The following DMD variants were observed in gnomAD, a reference collection of about 807,000 sequenced individuals.
DMD encodes the protein dystrophin.
A neutral mutation model predicts 330.1 loss-of-function variants in DMD; 63 were observed. The observed-to-expected ratio is 0.19, with a 90% CI of 0.16 to 0.24. DMD has a LOEUF of 0.24. Among genes scored for constraint, DMD ranks in the 10% least tolerant of loss-of-function variants. The pLI is 1.00. For missense variants in DMD, 3,344 were observed against 2,684.1 expected (o/e 1.25, Z -5.43); for synonymous variants, 1,223 against 959.8 (o/e 1.27, Z -5.07).
At chrX:32,886,200 A>G (rs1217700489) in intron 2 of DMD, among the ~76,000 whole-genome samples, 1 of 110,543 alleles carries the variant, frequency 9.0e-6, no homozygotes, top group African/African-American at 3.3e-5. Context: ...TCAAAATTTA[A>G]TATCTCAAAA....
At chrX:31,908,083 G>A (rs1226231309) in intron 47 of DMD, among the ~76,000 whole-genome samples, 3 of 112,235 alleles carry the variant, frequency 2.7e-5, no homozygotes, top group Non-Finnish European at 5.6e-5. Flanking sequence ...TGGAGAGGAT[G>A]TGGAGAAACA....
chrX:32,555,456 G>A (rs1158194436), intron 16 of DMD, among the ~76,000 whole-genome samples: 1 of 111,654 alleles, frequency 9.0e-6, no homozygotes, highest in Non-Finnish European at 1.9e-5. Flanking sequence ...TCAGGGAAGA[G>A]AAAGAAATAA....
At chrX:31,418,320 T>C (rs778670978) in intron 60 of DMD, among the ~76,000 whole-genome samples, 84 of 111,097 alleles carry the variant, frequency 7.6e-4, no homozygotes, top group African/African-American at 2.6e-3. Context: ...GGTTCTAATC[T>C]CATTCATGTG....
At chrX:33,314,562 TTTTTTTTG>T (rs1389166752) in intron 1 of DMD, among the ~76,000 whole-genome samples, 5 of 63,141 alleles carry the variant, frequency 7.9e-5, no homozygotes, top group African/African-American at 2.5e-4. Context: ...CCAGCCTGTT[TTTTTTTTG>T]TTTTTTTTTT....
intron 43 of DMD, among the ~76,000 whole-genome samples, chrX:32,229,701 TA>T (rs1368436662): frequency 1.3e-5 from 1 of 78,102 alleles, no homozygotes; most frequent in Non-Finnish European, 2.5e-5. Flanking sequence ...TATATATATA[TA>T]TATATATATA....
In DMD at chrX:32,762,168, GA is replaced by G. The variant is rs368649350; in HGVS notation, c.649+47324del. 6.7e-4 allele frequency among the ~76,000 whole-genome samples: 66 copies of G among 97,871 alleles called. 1 individual carries two copies. Among genetic ancestry groups the G allele is most frequent in the African/African-American group, 1.8e-3 (47 of 26,496 alleles). 85.0% of individuals were successfully genotyped at this position (97,871 alleles called of 115,157 possible). Reference sequence around the variant, plus strand: ...TCTGTCTCAAAAAAAGAAAAAAAAAGAAAAAAAAAATCAAAAAAAACAAAAA... The same window carrying G: ...TCTGTCTCAAAAAAAGAAAAAAAAAGAAAAAAAAATCAAAAAAAACAAAAA... On this transcript the variant is annotated intron_variant, in intron 7 of 78. Coordinates refer to ENST00000357033, the MANE Select transcript of DMD (RefSeq NM_004006.3).
rs185947920 is a variant in DMD, at chrX:33,006,126, T to C, written c.93+14013A>G. Among the ~76,000 whole-genome samples, 454 of 111,917 alleles carry C rather than the reference T, an allele frequency of 4.1e-3. 2 individuals carry two copies. The highest frequency in any genetic ancestry group is 6.3e-3 in the Non-Finnish European group (335 of 53,019). On this transcript the variant is annotated intron_variant, in intron 2 of 78. Coordinates refer to ENST00000357033, the MANE Select transcript of DMD (RefSeq NM_004006.3). The stretch of plus-strand genomic sequence containing the variant: ...TAAATGAATGGTGAAATATTCAGTG[T>C]TCATGGATAGAAAGACTCAATATTG...
chrX:32,692,458 A>C (rs1366732217), intron 9 of DMD, among the ~76,000 whole-genome samples: 2 of 111,563 alleles, frequency 1.8e-5, no homozygotes, highest in Admixed American at 9.5e-5. Flanking sequence ...ACTTTCTACA[A>C]TATGTGGACA....
In DMD at chrX:32,141,358, C is replaced by T. The variant is rs370830074; in HGVS notation, c.6438+75558G>A. Among the ~76,000 whole-genome samples, 7 of 110,641 alleles carry T rather than the reference C, an allele frequency of 6.3e-5. No homozygotes were observed. In the East Asian group the frequency reaches 2.0e-3, roughly 31 times the overall value. On this transcript the variant is annotated intron_variant, in intron 44 of 78. Coordinates refer to ENST00000357033, the MANE Select transcript of DMD (RefSeq NM_004006.3). The stretch of plus-strand genomic sequence containing the variant: ...GGCCGAGGCACAAGAATCACTTGAA[C>T]CCGGGAGGTGGAGGTTGCAGTGAGC...
intron 63 of DMD, among the ~76,000 whole-genome samples, chrX:31,254,788 T>C (rs1415711340): frequency 9.0e-6 from 1 of 111,068 alleles, no homozygotes; most frequent in Non-Finnish European, 1.9e-5. Flanking sequence ...CCTTGGGATC[T>C]CAGAGCTGTG....
At chrX:32,380,472 C>T (rs372526417) in intron 34 of DMD, 38 bp downstream of exon 34, 8 of 1,165,722 alleles carry the variant, frequency 6.9e-6, no homozygotes, top group South Asian at 1.8e-5. Context: ...TGTGTTTTCA[C>T]GTATGTTCAA....
Position 32,983,231 on chromosome X carries a change from T to C in DMD, c.93+36908A>G, listed in dbSNP as rs752323089. On this transcript the variant is annotated intron_variant, in intron 2 of 78. Coordinates refer to ENST00000357033, the MANE Select transcript of DMD (RefSeq NM_004006.3). ...CTCCTAGTGACTCCCCTAGAGAAAA[T>C]TTACTGTCCCTAGCCAGATTCTCTT... Among the ~76,000 whole-genome samples, 11 of 110,970 alleles carry C rather than the reference T, an allele frequency of 9.9e-5. No individual in the cohort carries two copies. The East Asian group carries it at 2.9e-3, about 29-fold the overall frequency.
chrX:31,687,789 C>T (rs1303696182), intron 52 of DMD, among the ~76,000 whole-genome samples: 2 of 111,757 alleles, frequency 1.8e-5, no homozygotes, highest in East Asian at 5.7e-4. Context: ...TATTTGTTTC[C>T]TTTCTCTTGC....
At chrX:31,830,364 G>A (rs1052339884) in intron 49 of DMD, among the ~76,000 whole-genome samples, 1 of 112,606 alleles carries the variant, frequency 8.9e-6, no homozygotes, top group Non-Finnish European at 1.9e-5. Context: ...GGAGGCCGAG[G>A]CAGCCTGATC....
chrX:31,803,781 C>T (rs1473149002), intron 50 of DMD, among the ~76,000 whole-genome samples: 4 of 110,098 alleles, frequency 3.6e-5, no homozygotes, highest in Non-Finnish European at 7.6e-5. Context: ...CTCACCGCAA[C>T]CTCCACCTCC....
chrX:32,734,806 T>G (rs1227121250), intron 7 of DMD, among the ~76,000 whole-genome samples: 9 of 105,765 alleles, frequency 8.5e-5, no homozygotes. Flanking sequence ...ACAGCCAATA[T>G]CATACTGAAT....
intron 44 of DMD, among the ~76,000 whole-genome samples, chrX:32,039,793 C>T (rs927141850): frequency 9.0e-6 from 1 of 111,573 alleles, no homozygotes; most frequent in East Asian, 2.8e-4. Flanking sequence ...CAGTAACTCT[C>T]TATTCCCTCA....
chrX:32,244,322 G>A (rs1418203110), intron 43 of DMD, among the ~76,000 whole-genome samples: 2 of 98,189 alleles, frequency 2.0e-5, no homozygotes, highest in Non-Finnish European at 4.1e-5. Flanking sequence ...AGTATTCCAT[G>A]GTGTATATGT....
intron 76 of DMD, among the ~76,000 whole-genome samples, chrX:31,141,390 G>A (rs774006324): frequency 3.6e-5 from 4 of 112,256 alleles, no homozygotes; most frequent in African/African-American, 1.3e-4. Context: ...TGCTTAAAGA[G>A]GGGAATAATA....
Sources: gnomAD v4.1 joint callset for allele counts (sites outside exome capture counted in the v4.1 genomes callset) on GRCh38, gnomAD v4.1.1 for gene constraint, MANE v1.5 for transcripts, NCBI Gene and HGNC (gene_info 2026-07-23, HGNC 2026-07-21) for gene names.